SLC35D4: variants seen among roughly 807,000 people sequenced by gnomAD.
The protein encoded by SLC35D4 is UDP-N-acetylglucosamine transporter SLC35D4.
chr18:23,406,239 T>C, the SLC35D4 span, among the ~76,000 whole-genome samples: 1 of 152,242 alleles, frequency 6.6e-6, no homozygotes, highest in African/African-American at 2.4e-5. Flanking sequence ...AATTTGCAGA[T>C]TAACTTTAGC....
At chr18:23,355,419 G>A in the SLC35D4 span, among the ~76,000 whole-genome samples, 9 of 152,166 alleles carry the variant, frequency 5.9e-5, no homozygotes, top group East Asian at 1.9e-4. Flanking sequence ...AAACAAGTCC[G>A]CAGCCGCCCG....
chr18:23,312,088 T>G, the SLC35D4 span, among the ~76,000 whole-genome samples: 1 of 152,252 alleles, frequency 6.6e-6, no homozygotes, highest in East Asian at 1.9e-4. Flanking sequence ...TGCCTGTTTT[T>G]ACCCGCTGTT....
the SLC35D4 span, among the ~76,000 whole-genome samples, chr18:23,409,930 C>G: frequency 7.4e-3 from 1,120 of 150,674 alleles, 10 homozygotes; most frequent in African/African-American, 0.026. Flanking sequence ...CTAAACAATA[C>G]AGCGTAACTA....
chr18:23,308,266 TGCCATG>T, the SLC35D4 span, among the ~76,000 whole-genome samples: 1 of 152,062 alleles, frequency 6.6e-6, no homozygotes, highest in Admixed American at 6.5e-5. Context: ...GACACATGTG[TGCCATG>T]GCCAAGGCAC....
At chr18:23,292,870 C>A in the SLC35D4 span, among the ~76,000 whole-genome samples, 1 of 152,176 alleles carries the variant, frequency 6.6e-6, no homozygotes, top group Admixed American at 6.5e-5. Context: ...ATTATTGGGT[C>A]AGTAACCCCA....
the SLC35D4 span, among the ~76,000 whole-genome samples, chr18:23,323,829 A>T: frequency 6.6e-6 from 1 of 152,128 alleles, no homozygotes; most frequent in East Asian, 1.9e-4. Flanking sequence ...CTGTAATCCC[A>T]GTACTTTGGG....
the SLC35D4 span, among the ~76,000 whole-genome samples, chr18:23,412,006 T>C: frequency 2.0e-5 from 3 of 152,158 alleles, no homozygotes; most frequent in Non-Finnish European, 4.4e-5. Flanking sequence ...GACCAAAAAA[T>C]AGTTTCCAAA....
At chr18:23,398,198 A>T in the SLC35D4 span, among the ~76,000 whole-genome samples, 1 of 152,218 alleles carries the variant, frequency 6.6e-6, no homozygotes, top group Non-Finnish European at 1.5e-5. Flanking sequence ...ATCTGTCAAA[A>T]GATTGCAAGA....
the SLC35D4 span, among the ~76,000 whole-genome samples, chr18:23,365,046 C>G: frequency 1.4e-5 from 2 of 147,274 alleles, no homozygotes; most frequent in South Asian, 4.4e-4. Flanking sequence ...AAAATTCAAA[C>G]AAGAATTAGA....
the SLC35D4 span, among the ~76,000 whole-genome samples, chr18:23,339,757 T>C: frequency 1.3e-5 from 2 of 152,188 alleles, no homozygotes; most frequent in African/African-American, 2.4e-5. Flanking sequence ...GTCTCAGAGA[T>C]GGCACTTTCT....
the SLC35D4 span, among the ~76,000 whole-genome samples, chr18:23,317,172 CACACACACA>C: frequency 2.6e-4 from 39 of 151,978 alleles, 1 homozygote; most frequent in South Asian, 3.5e-3. Context: ...CACACACACA[CACACACACA>C]CCCCACTAAT....
the SLC35D4 span, among the ~76,000 whole-genome samples, chr18:23,314,054 C>T: frequency 3.2e-3 from 486 of 152,330 alleles, 4 homozygotes; most frequent in Admixed American, 5.5e-3. Context: ...GCCCTGTGTC[C>T]GATCTTCCAG....
At chr18:23,432,979 C>CAAAA in the SLC35D4 span, among the ~76,000 whole-genome samples, 1 of 98,366 alleles carries the variant, frequency 1.0e-5, no homozygotes, top group African/African-American at 3.8e-5. Flanking sequence ...GACTCTGTCT[C>CAAAA]AAAAAAAAAA....
At chr18:23,325,811 G>T in the SLC35D4 span, among the ~76,000 whole-genome samples, 1 of 152,108 alleles carries the variant, frequency 6.6e-6, no homozygotes, top group African/African-American at 2.4e-5. Flanking sequence ...CAAAAGGAAC[G>T]TCAGCTGCTG....
the SLC35D4 span, among the ~76,000 whole-genome samples, chr18:23,325,456 G>C: frequency 1.3e-5 from 2 of 152,124 alleles, no homozygotes; most frequent in South Asian, 2.1e-4. Context: ...GGAGGGGCTT[G>C]AGTGTGGCCG....
chr18:23,374,355 G>C, the SLC35D4 span, among the ~76,000 whole-genome samples: 1 of 152,130 alleles, frequency 6.6e-6, no homozygotes, highest in African/African-American at 2.4e-5. Context: ...AGGAAACACT[G>C]AGACAAACCC....
chr18:23,411,483 TA>T, the SLC35D4 span, among the ~76,000 whole-genome samples: 1 of 91,730 alleles, frequency 1.1e-5, no homozygotes, highest in East Asian at 3.4e-4. Flanking sequence ...AAGAAAGAGA[TA>T]GAAAGAAAGA....
chr18:23,287,122 T>C, the SLC35D4 span, among the ~76,000 whole-genome samples: 2 of 152,098 alleles, frequency 1.3e-5, no homozygotes, highest in Middle Eastern at 3.2e-3. Flanking sequence ...TTAAAGCCTA[T>C]AAACTCTCCT....
At chr18:23,425,186 C>T in the SLC35D4 span, among the ~76,000 whole-genome samples, 2 of 152,122 alleles carry the variant, frequency 1.3e-5, no homozygotes. Context: ...TTGCAACCTC[C>T]ACTTCCTGGG....
Sources: allele counts gnomAD v4.1 joint callset (sites outside exome capture counted in the v4.1 genomes callset), GRCh38; gene constraint gnomAD v4.1.1; transcripts MANE v1.5; gene names NCBI Gene and HGNC (gene_info 2026-07-23, HGNC 2026-07-21).